The following UNC13C variants were observed in gnomAD, a reference collection of about 807,000 sequenced individuals.
The protein encoded by UNC13C is protein unc-13 homolog C.
In UNC13C, 174 loss-of-function variants were observed where a neutral mutation model predicts 245.4. The ratio of observed to expected loss-of-function variants is 0.71; its 90% CI spans 0.63 to 0.80. The LOEUF (loss-of-function observed/expected upper bound fraction) is 0.80. Among genes scored for constraint, UNC13C ranks in the 30% least tolerant of loss-of-function variants. UNC13C has a pLI of 0.00. For synonymous variants in UNC13C, 992 were observed against 895.1 expected, an observed-to-expected ratio of 1.11 and a Z score of -1.93; for missense variants, 2,829 against 2,602.9, an observed-to-expected ratio of 1.09 and a Z score of -1.89.
intron 10 of UNC13C, among the ~76,000 whole-genome samples, chr15:54,280,730 G>A (rs200779389): frequency 4.8e-5 from 3 of 62,678 alleles, no homozygotes; most frequent in East Asian, 3.6e-4. Flanking sequence ...ATAAACATAT[G>A]TATACATACA....
chr15:54,550,396 C>A (rs1334262792), intron 28 of UNC13C, among the ~76,000 whole-genome samples: 1 of 152,036 alleles, frequency 6.6e-6, no homozygotes, highest in Non-Finnish European at 1.5e-5. Context: ...GTAAATGAGA[C>A]AAGACATACA....
intron 18 of UNC13C, among the ~76,000 whole-genome samples, chr15:54,402,968 T>C (rs567682142): frequency 1.3e-5 from 2 of 152,330 alleles, no homozygotes; most frequent in African/African-American, 4.8e-5. Context: ...GTAGAGATAA[T>C]GCACAGAAAG....
chr15:54,238,567 C>G (rs560419262), intron 7 of UNC13C, among the ~76,000 whole-genome samples: 1 of 152,300 alleles, frequency 6.6e-6, no homozygotes, highest in African/African-American at 2.4e-5. Flanking sequence ...TAGATACATG[C>G]TTAACATTCA....
chr15:53,890,827 T>C, the UNC13C span, among the ~76,000 whole-genome samples: 15 of 150,880 alleles, frequency 9.9e-5, no homozygotes, highest in Non-Finnish European at 1.8e-4. Flanking sequence ...CCTGGATTCA[T>C]TGATTTTTTG....
Position 54,567,832 on chromosome 15 carries a change from A to G in UNC13C, c.5991A>G (p.Lys1997=). The change falls in exon 30 of 33, where the codon AAA becomes AAG. Residue 1997 remains lysine (K), a synonymous_variant. Coordinates refer to ENST00000260323, the MANE Select transcript of UNC13C (RefSeq NM_001080534.3). ...QYFHAGGNGL[K]KNFLEKSPDL... ...TTCATGCAGGAGGAAATGGCCTGAA[A>G]AAGAATTTCTTGGAGAAAAGCCCAG... is the stretch of plus-strand genomic sequence containing the variant. 2 of 1,605,332 alleles carry G rather than the reference A, an allele frequency of 1.2e-6. No individual in the cohort carries two copies. The highest frequency in any genetic ancestry group is 2.2e-5 in the East Asian group (1 of 44,612).
the UNC13C span, among the ~76,000 whole-genome samples, chr15:53,951,167 C>G: frequency 6.6e-6 from 1 of 152,124 alleles, no homozygotes; most frequent in Admixed American, 6.5e-5. Context: ...GTGAAAATAT[C>G]TAACATTTCT....
intron 2 of UNC13C, among the ~76,000 whole-genome samples, chr15:54,064,319 T>C (rs931703617): frequency 6.6e-6 from 1 of 152,174 alleles, no homozygotes; most frequent in Non-Finnish European, 1.5e-5. Flanking sequence ...ATAAACATGG[T>C]TGATTTGTTG....
chr15:53,963,525 A>G, the UNC13C span, among the ~76,000 whole-genome samples: 3 of 152,194 alleles, frequency 2.0e-5, no homozygotes, highest in African/African-American at 7.2e-5. Flanking sequence ...CATATGGGAC[A>G]ATACACGTGT....
intron 14 of UNC13C, among the ~76,000 whole-genome samples, chr15:54,327,389 A>G (rs529387283): frequency 2.0e-5 from 3 of 151,658 alleles, no homozygotes; most frequent in Non-Finnish European, 4.4e-5. Flanking sequence ...TTATTTTTAT[A>G]ATTTTTTTTT....
At chr15:53,880,058 A>G in the UNC13C span, among the ~76,000 whole-genome samples, 9 of 152,118 alleles carry the variant, frequency 5.9e-5, no homozygotes, top group Non-Finnish European at 7.4e-5. Flanking sequence ...TAAATCATGT[A>G]GTTACTCTGC....
intron 26 of UNC13C, 65 bp from the exon 27 acceptor site, chr15:54,546,657 A>G (rs952434159): frequency 2.0e-6 from 2 of 980,178 alleles, no homozygotes; most frequent in African/African-American, 3.6e-5. Flanking sequence ...GAAAATCGTA[A>G]AGGCCTAAAT....
At chr15:54,583,342 G>T (rs1052433653) in intron 30 of UNC13C, among the ~76,000 whole-genome samples, 2 of 152,062 alleles carry the variant, frequency 1.3e-5, no homozygotes, top group Non-Finnish European at 2.9e-5. Flanking sequence ...AGCCTCAAAA[G>T]AATATTTTCA....
intron 30 of UNC13C, among the ~76,000 whole-genome samples, chr15:54,589,562 G>T (rs1214040195): frequency 6.6e-6 from 1 of 152,022 alleles, no homozygotes; most frequent in East Asian, 1.9e-4. Context: ...CTCCCAAAGT[G>T]CTGGGATTAC....
At chr15:54,620,512 G>A (rs1349189185) in intron 30 of UNC13C, among the ~76,000 whole-genome samples, 1 of 152,122 alleles carries the variant, frequency 6.6e-6, no homozygotes, top group African/African-American at 2.4e-5. Context: ...GGTTCATACT[G>A]TATTAGTTAC....
intron 4 of UNC13C, among the ~76,000 whole-genome samples, chr15:54,167,516 A>AG (rs1239127917): frequency 2.1e-5 from 3 of 146,126 alleles, no homozygotes; most frequent in Non-Finnish European, 3.0e-5. Flanking sequence ...AAAAAAAAAA[A>AG]AAAGAAAAGA....
At chr15:54,256,973 C>T (rs181820472) in intron 8 of UNC13C, among the ~76,000 whole-genome samples, 3 of 152,138 alleles carry the variant, frequency 2.0e-5, no homozygotes, top group Non-Finnish European at 4.4e-5. Flanking sequence ...AAATTGTTTA[C>T]GTCCAAGGAA....
chr15:54,585,321 C>T (rs553445756), intron 30 of UNC13C, among the ~76,000 whole-genome samples: 3 of 151,996 alleles, frequency 2.0e-5, no homozygotes, highest in South Asian at 2.1e-4. Flanking sequence ...TGTGGTACTG[C>T]CCCCGTGTCT....
intron 17 of UNC13C, among the ~76,000 whole-genome samples, chr15:54,384,434 G>A (rs367753257): frequency 6.6e-6 from 1 of 152,094 alleles, no homozygotes; most frequent in African/African-American, 2.4e-5. Flanking sequence ...ATTAAATGAT[G>A]CTGGGGAAAA....
the UNC13C span, among the ~76,000 whole-genome samples, chr15:53,852,085 A>C: frequency 6.6e-6 from 1 of 152,092 alleles, no homozygotes; most frequent in African/African-American, 2.4e-5. Flanking sequence ...CAGAGTTGTG[A>C]CTGGTATCTG....
Sources: gnomAD v4.1 joint callset for allele counts (sites outside exome capture counted in the v4.1 genomes callset) on GRCh38, gnomAD v4.1.1 for gene constraint, MANE v1.5 for transcripts, NCBI Gene and HGNC (gene_info 2026-07-23, HGNC 2026-07-21) for gene names.